The following CBFB variants were observed in gnomAD, a reference collection of about 807,000 sequenced individuals.
CBFB encodes the protein CBF-beta.
CBFB carries 9 observed loss-of-function variants against 30.4 expected under a neutral mutation model. The ratio of observed to expected loss-of-function variants is 0.30; its 90% CI spans 0.18 to 0.52. The LOEUF (loss-of-function observed/expected upper bound fraction) is 0.52, where lower values mean the gene tolerates loss of function less well. Ranked by LOEUF, CBFB falls within the 20% of genes least tolerant of loss-of-function variation. The pLI, the probability that CBFB is intolerant of heterozygous loss-of-function variation, is 0.97. For synonymous variants in CBFB, 94 were observed against 84.0 expected, an observed-to-expected ratio of 1.12 and a Z score of -0.65; for missense variants, 170 against 244.0, an observed-to-expected ratio of 0.70 and a Z score of 2.02.
Position 67,073,005 on chromosome 16 carries a change from A to C in CBFB, c.399+6207A>C, listed in dbSNP as rs1048439308. ...TAGGATTATAGGCATGAGCCACTGC[A>C]TCTAGCCCCTTACTTTTATTTTCTT... On this transcript the variant is annotated intron_variant, in intron 4 of 5. Transcript: ENST00000412916. 2.6e-5 allele frequency among the ~76,000 whole-genome samples: 4 copies of C among 152,266 alleles called. No individual in the cohort carries two copies. The East Asian group carries it at 7.7e-4, about 29-fold the overall frequency.
chr16:67,072,121 A>G (rs1458518039), intron 4 of CBFB, among the ~76,000 whole-genome samples: 2 of 152,232 alleles, frequency 1.3e-5, no homozygotes, highest in African/African-American at 2.4e-5. Flanking sequence ...GAGAGTGACC[A>G]TATTACTTAT....
At chr16:67,065,351 T>C (rs143981003) in intron 3 of CBFB, among the ~76,000 whole-genome samples, 6 of 152,342 alleles carry the variant, frequency 3.9e-5, no homozygotes, top group South Asian at 2.1e-4. Flanking sequence ...GTCAGTGACT[T>C]GAGATGTTAC....
At chr16:67,042,989 G>C (rs1459132550) in intron 3 of CBFB, among the ~76,000 whole-genome samples, 1 of 152,184 alleles carries the variant, frequency 6.6e-6, no homozygotes, top group East Asian at 1.9e-4. Flanking sequence ...GCCTGCCTCA[G>C]CCTCCCAAAG....
rs1009250081 is a variant in CBFB, at chr16:67,067,011, G to A, written c.399+213G>A. Reference sequence around the variant, plus strand: ...CAGTTCTAAATTTCATGGGTTATTCGTATCTGCTCAGTGGGTGCTTCAAAG... The same window carrying A: ...CAGTTCTAAATTTCATGGGTTATTCATATCTGCTCAGTGGGTGCTTCAAAG... On this transcript the variant is annotated intron_variant, in intron 4 of 5. Coordinates refer to ENST00000412916, the MANE Select transcript of CBFB (RefSeq NM_022845.3). 4.9e-5 allele frequency: 18 copies of A among 368,460 alleles called. 1 individual carries two copies. The highest frequency in any genetic ancestry group is 1.6e-3 in the Middle Eastern group (2 of 1,230). 22.8% of individuals were successfully genotyped at this position (368,460 alleles called of 1,614,324 possible). A position where few individuals can be genotyped will look rare whatever the true frequency, so the allele number is the denominator to read the frequency against.
At chr16:67,075,866 T>A (rs777772097) in intron 4 of CBFB, among the ~76,000 whole-genome samples, 1 of 152,116 alleles carries the variant, frequency 6.6e-6, no homozygotes, top group Non-Finnish European at 1.5e-5. Flanking sequence ...ATCCCAGCGC[T>A]TTGGGAGGCC....
In CBFB at chr16:67,100,099, T is replaced by G. The variant is rs192286044; in HGVS notation, c.*1321T>G. On this transcript the variant is annotated 3_prime_UTR_variant, in exon 6 of 6. Transcript: ENST00000412916. ...TTAGATACAGAGTGGAAAACAGTGCTAAGTCATTTGGCACCTCCTTACAAA... is the reference window on the plus strand; with the variant it reads ...TTAGATACAGAGTGGAAAACAGTGCGAAGTCATTTGGCACCTCCTTACAAA... 5.0e-4 allele frequency: 106 copies of G among 213,316 alleles called. No homozygotes were observed. Among genetic ancestry groups the G allele is most frequent in the Non-Finnish European group, 8.4e-4 (88 of 105,208 alleles). 13.2% of individuals were successfully genotyped at this position (213,316 alleles called of 1,614,324 possible).
intron 3 of CBFB, among the ~76,000 whole-genome samples, chr16:67,040,553 C>G (rs1381281350): frequency 1.3e-5 from 2 of 152,126 alleles, no homozygotes; most frequent in Non-Finnish European, 2.9e-5. Flanking sequence ...AGTGTTTTGA[C>G]CACTACTGTA....
chr16:67,045,704 C>T lies in CBFB; in HGVS notation c.282+8949C>T, dbSNP rs559047711. On this transcript the variant is annotated intron_variant, in intron 3 of 5. Transcript: ENST00000412916. ...GGTGAAATTCTCTTTCATGACCTTTCCTGAATTACATATTCCAAGTGAGAG... is the reference window on the plus strand; with the variant it reads ...GGTGAAATTCTCTTTCATGACCTTTTCTGAATTACATATTCCAAGTGAGAG... 2.0e-5 allele frequency among the ~76,000 whole-genome samples: 3 copies of T among 152,082 alleles called. No homozygotes were observed. In the South Asian group the frequency reaches 6.2e-4, roughly 32 times the overall value.
At chr16:67,064,572 C>T (rs1379400347) in intron 3 of CBFB, among the ~76,000 whole-genome samples, 1 of 152,122 alleles carries the variant, frequency 6.6e-6, no homozygotes, top group Admixed American at 6.5e-5. Context: ...ATTGTAGAAA[C>T]TGTAATAAAT....
chr16:67,055,858 G>T (rs752576276), intron 3 of CBFB, among the ~76,000 whole-genome samples: 5 of 152,192 alleles, frequency 3.3e-5, no homozygotes, highest in Non-Finnish European at 5.9e-5. Flanking sequence ...GAACAGGGAG[G>T]TGCATGTGGC....
chr16:67,063,332 A>G (rs1960962814), intron 3 of CBFB, among the ~76,000 whole-genome samples: 1 of 152,230 alleles, frequency 6.6e-6, no homozygotes, highest in Admixed American at 6.5e-5. Context: ...ATTTTCCAAT[A>G]TAAGTAGAAA....
At chr16:67,051,743 T>G (rs1006978178) in intron 3 of CBFB, among the ~76,000 whole-genome samples, 6 of 150,118 alleles carry the variant, frequency 4.0e-5, no homozygotes, top group East Asian at 1.9e-4. Context: ...GATTTTGGTG[T>G]TTTTTTTGTG....
chr16:67,077,579 A>G (rs1961437459), intron 4 of CBFB, among the ~76,000 whole-genome samples: 1 of 152,198 alleles, frequency 6.6e-6, no homozygotes, highest in Non-Finnish European at 1.5e-5. Context: ...TCATGTGATC[A>G]GTGATACCAT....
chr16:67,078,268 C>T (rs1961462336), intron 4 of CBFB, among the ~76,000 whole-genome samples: 1 of 152,230 alleles, frequency 6.6e-6, no homozygotes, highest in African/African-American at 2.4e-5. Flanking sequence ...CCAAGACAAG[C>T]TGGGCACGGT....
chr16:67,092,696 A>ATTTTTTTTTTTTTTT (rs1162307047), intron 5 of CBFB, among the ~76,000 whole-genome samples: 52 of 94,662 alleles, frequency 5.5e-4, no homozygotes, highest in African/African-American at 9.9e-4. Context: ...CAGTGGTGCA[A>ATTTTTTTTTTTTTTT]TCTTTTTTTT....
At chr16:67,088,428 A>C (rs770566855) in intron 5 of CBFB, among the ~76,000 whole-genome samples, 2 of 152,202 alleles carry the variant, frequency 1.3e-5, no homozygotes, top group Non-Finnish European at 2.9e-5. Flanking sequence ...GTCTCCAAAA[A>C]ATTAATTGAC....
intron 4 of CBFB, 123 bp from the exon 5 acceptor site, chr16:67,082,090 A>AT: frequency 1.5e-6 from 1 of 648,638 alleles, no homozygotes; most frequent in Non-Finnish European, 2.3e-6. Context: ...AAGTGCTGAG[A>AT]TTACAGGCGT....
intron 3 of CBFB, among the ~76,000 whole-genome samples, chr16:67,045,791 T>C (rs1966616040): frequency 6.7e-6 from 1 of 149,638 alleles, no homozygotes; most frequent in South Asian, 2.1e-4. Context: ...CCTTCTACTT[T>C]CTACATTTTT....
At chr16:67,080,910 G>T (rs1318472123) in intron 4 of CBFB, among the ~76,000 whole-genome samples, 1 of 152,094 alleles carries the variant, frequency 6.6e-6, no homozygotes, top group Non-Finnish European at 1.5e-5. Context: ...TGATTAACAT[G>T]ACTTATGTTT....
Sources: allele counts gnomAD v4.1 joint callset (sites outside exome capture counted in the v4.1 genomes callset), GRCh38; gene constraint gnomAD v4.1.1; transcripts MANE v1.5; gene names NCBI Gene and HGNC (gene_info 2026-07-23, HGNC 2026-07-21).